The following ATP2B2 variants were observed in gnomAD, a reference collection of about 807,000 sequenced individuals.
ATP2B2 encodes ATPase plasma membrane Ca2+ transporting 2.
A neutral mutation model predicts 120.0 loss-of-function variants in ATP2B2; 15 were observed. That is an observed-to-expected ratio of 0.12 (90% CI 0.08 to 0.19). The LOEUF is 0.19. ATP2B2 is among the 10% of genes least tolerant of loss of function. The pLI, the probability that ATP2B2 is intolerant of heterozygous loss-of-function variation, is 1.00. For synonymous variants in ATP2B2, 694 were observed against 700.3 expected (o/e 0.99, Z 0.14); for missense variants, 1,045 against 1,719.8 (o/e 0.61, Z 6.94).
intron 1 of ATP2B2, among the ~76,000 whole-genome samples, chr3:10,488,307 A>G (rs1330911079): frequency 7.0e-6 from 1 of 143,004 alleles, no homozygotes; most frequent in East Asian, 2.1e-4. Context: ...CCACCTATCT[A>G]TTCATTCACT....
At chr3:10,339,907 C>A (rs2060226415) in intron 21 of ATP2B2, among the ~76,000 whole-genome samples, 1 of 152,172 alleles carries the variant, frequency 6.6e-6, no homozygotes, top group South Asian at 2.1e-4. Flanking sequence ...TTGTTAGCTT[C>A]CATTTATGAC....
chr3:10,479,608 AAC>A (rs1256667724), intron 1 of ATP2B2, among the ~76,000 whole-genome samples: 1 of 152,152 alleles, frequency 6.6e-6, no homozygotes, highest in Non-Finnish European at 1.5e-5. Context: ...TTTAAAAAAT[AAC>A]AGTTATAGCT....
intron 3 of ATP2B2, among the ~76,000 whole-genome samples, chr3:10,527,934 C>T (rs895091826): frequency 1.3e-5 from 2 of 152,054 alleles, no homozygotes; most frequent in East Asian, 3.9e-4. Context: ...CCCTTTCTGG[C>T]CTGAGGATCG....
At chr3:10,643,787 T>G (rs1311219857) in intron 1 of ATP2B2, among the ~76,000 whole-genome samples, 1 of 152,206 alleles carries the variant, frequency 6.6e-6, no homozygotes, top group African/African-American at 2.4e-5. Flanking sequence ...ATGCAGTATC[T>G]GATCCTAGAC....
At chr3:10,418,131 C>T (rs1466496770) in intron 2 of ATP2B2, among the ~76,000 whole-genome samples, 3 of 152,132 alleles carry the variant, frequency 2.0e-5, no homozygotes, top group Middle Eastern at 3.4e-3. Context: ...GTACTGAATA[C>T]GCAGTTCACC....
chr3:10,340,563 C>T lies in ATP2B2; in HGVS notation c.3059G>A (p.Arg1020His), dbSNP rs760285222. 1.2e-5 allele frequency: 20 copies of T among 1,614,236 alleles called. No homozygotes were observed. Among genetic ancestry groups the T allele is most frequent in the South Asian group, 3.3e-5 (3 of 91,078 alleles). Reference protein sequence around the residue: ...EINARKIHGERNVFDGIFRNP... With the variant: ...EINARKIHGEHNVFDGIFRNP... ...CCGGAAGATGCCGTCAAAGACATTG[C>T]GCTCGCCGTGGATCTTGCGGGCGTT... Residue 1020 changes from arginine (R) to histidine (H), a missense_variant, in exon 20 of 23, where the codon CGC becomes CAC. Arg to His is a conservative substitution (Grantham distance 29). Transcript: ENST00000360273. This position sits in a 1 kb window ranked among gnomAD's most constrained non-coding sequence, Gnocchi z 5.0.
At chr3:10,546,034 G>A (rs1406025949) in intron 2 of ATP2B2, among the ~76,000 whole-genome samples, 3 of 152,200 alleles carry the variant, frequency 2.0e-5, no homozygotes, top group Admixed American at 6.5e-5. Flanking sequence ...GTCAATGTTG[G>A]TGGGGTTAGG....
intron 2 of ATP2B2, among the ~76,000 whole-genome samples, chr3:10,587,971 T>C (rs1051163468): frequency 8.5e-5 from 13 of 152,216 alleles, no homozygotes; most frequent in Non-Finnish European, 1.5e-5. Context: ...TAGTGAGAAT[T>C]TTTAAAAAAG....
chr3:10,400,124 T>C (rs1321937488), intron 5 of ATP2B2, among the ~76,000 whole-genome samples: 1 of 152,246 alleles, frequency 6.6e-6, no homozygotes, highest in African/African-American at 2.4e-5. Context: ...GGGCCTCACC[T>C]GGCTAGTGTC....
intron 1 of ATP2B2, among the ~76,000 whole-genome samples, chr3:10,473,920 G>A (rs1309621849): frequency 6.6e-6 from 1 of 152,250 alleles, no homozygotes; most frequent in Non-Finnish European, 1.5e-5. Context: ...TTTATTCCAG[G>A]TAGTGAGAGA....
chr3:10,664,045 C>T (rs1257589763), intron 1 of ATP2B2, among the ~76,000 whole-genome samples: 1 of 152,092 alleles, frequency 6.6e-6, no homozygotes, highest in Non-Finnish European at 1.5e-5. Flanking sequence ...TGCTCATGTC[C>T]ACCCCAGAAT....
At chr3:10,589,814 C>T (rs994735936) in intron 2 of ATP2B2, among the ~76,000 whole-genome samples, 5 of 152,178 alleles carry the variant, frequency 3.3e-5, no homozygotes, top group Non-Finnish European at 7.3e-5. Context: ...ACCACTGGAG[C>T]TCTCATCTGC....
chr3:10,509,399 C>T (rs1054073095), upstream of ATP2B2, among the ~76,000 whole-genome samples: 11 of 152,086 alleles, frequency 7.2e-5, no homozygotes, highest in East Asian at 1.9e-4. Flanking sequence ...CTGGGTTCCC[C>T]GGGGGATAAG....
At chr3:10,669,404 C>T (rs1399900517) in intron 1 of ATP2B2, among the ~76,000 whole-genome samples, 2 of 152,114 alleles carry the variant, frequency 1.3e-5, no homozygotes, top group Non-Finnish European at 2.9e-5. Flanking sequence ...TTCTGCAGGT[C>T]CAGAGGGCCC....
At chr3:10,677,055 C>G (rs1355565464) in intron 1 of ATP2B2, among the ~76,000 whole-genome samples, 1 of 152,174 alleles carries the variant, frequency 6.6e-6, no homozygotes, top group Non-Finnish European at 1.5e-5. Context: ...CAATCACACT[C>G]CCTGGTATTT....
intron 2 of ATP2B2, among the ~76,000 whole-genome samples, chr3:10,549,024 A>C (rs1364159710): frequency 6.6e-6 from 1 of 152,216 alleles, no homozygotes; most frequent in African/African-American, 2.4e-5. Flanking sequence ...TTGCCTGTCA[A>C]GCCCCAAACT....
intron 2 of ATP2B2, among the ~76,000 whole-genome samples, chr3:10,562,069 T>C (rs2067915198): frequency 6.6e-6 from 1 of 152,192 alleles, no homozygotes; most frequent in South Asian, 2.1e-4. Context: ...AAGACAACGT[T>C]CCTGCTCTTA....
intron 1 of ATP2B2, among the ~76,000 whole-genome samples, chr3:10,638,690 AAGT>A (rs1267016996): frequency 4.6e-5 from 7 of 152,206 alleles, no homozygotes; most frequent in Non-Finnish European, 7.3e-5. Context: ...TTAAAAAGCA[AAGT>A]ACAACTCTAT....
chr3:10,436,317 G>C (rs886873610), intron 2 of ATP2B2, among the ~76,000 whole-genome samples: 2 of 152,156 alleles, frequency 1.3e-5, no homozygotes, highest in Non-Finnish European at 1.5e-5. Flanking sequence ...ATTCTCTCTA[G>C]TAGACAGTCT....
Sources: gnomAD v4.1 joint callset for allele counts (sites outside exome capture counted in the v4.1 genomes callset) on GRCh38, gnomAD v4.1.1 for gene constraint, Gnocchi (gnomAD v3.1) non-coding constraint, MANE v1.5 for transcripts, NCBI Gene and HGNC (gene_info 2026-07-23, HGNC 2026-07-21) for gene names.